The following PCDH15 variants were observed in gnomAD, a reference collection of about 807,000 sequenced individuals.
The protein encoded by PCDH15 is protocadherin related 15, also known as protocadherin-15.
In PCDH15, 129 loss-of-function variants were observed where a neutral mutation model predicts 178.5. That is an observed-to-expected ratio of 0.72 (90% CI 0.63 to 0.84). PCDH15 has a LOEUF of 0.84. Among genes scored for constraint, PCDH15 ranks in the 40% least tolerant of loss-of-function variants. The pLI, the probability that PCDH15 is intolerant of heterozygous loss-of-function variation, is 0.00. For synonymous variants in PCDH15, 800 were observed against 732.0 expected, an observed-to-expected ratio of 1.09 and a Z score of -1.50; for missense variants, 2,230 against 2,099.9, an observed-to-expected ratio of 1.06 and a Z score of -1.21.
At chr10:55,436,074 T>A (rs1273876513) in intron 2 of PCDH15, among the ~76,000 whole-genome samples, 1 of 152,122 alleles carries the variant, frequency 6.6e-6, no homozygotes, top group Admixed American at 6.5e-5. Context: ...TAGTAGTATC[T>A]GATCTCTTTA....
intron 11 of PCDH15, among the ~76,000 whole-genome samples, chr10:54,188,149 G>A (rs2048645841): frequency 6.6e-6 from 1 of 151,856 alleles, no homozygotes; most frequent in South Asian, 2.1e-4. Flanking sequence ...TGCATTTGAA[G>A]TCAAATATCC....
intron 2 of PCDH15, among the ~76,000 whole-genome samples, chr10:55,564,889 C>A (rs1842270159): frequency 6.6e-6 from 1 of 151,424 alleles, no homozygotes; most frequent in Non-Finnish European, 1.5e-5. Flanking sequence ...ATAAATAGTT[C>A]TACAATAATA....
intron 5 of PCDH15, among the ~76,000 whole-genome samples, chr10:54,360,332 C>T (rs1420218049): frequency 6.6e-6 from 1 of 152,086 alleles, no homozygotes; most frequent in Non-Finnish European, 1.5e-5. Flanking sequence ...CAATTTTAGT[C>T]AGCCAAAGAA....
intron 3 of PCDH15, among the ~76,000 whole-genome samples, chr10:54,492,009 G>A (rs2079641590): frequency 6.6e-6 from 1 of 152,102 alleles, no homozygotes; most frequent in Non-Finnish European, 1.5e-5. Flanking sequence ...AAAGTAATAT[G>A]TCATTTGTTA....
chr10:55,367,027 C>A (rs1157378521), intron 2 of PCDH15, among the ~76,000 whole-genome samples: 2 of 151,766 alleles, frequency 1.3e-5, no homozygotes, highest in Admixed American at 1.3e-4. Flanking sequence ...TGTCCTTTCA[C>A]CCCTCCATTC....
In PCDH15 at chr10:55,196,894, C is replaced by T. The variant is rs376882551; in HGVS notation, c.-155-30243G>A. ...GCTACTCTAACTTTTTAAACATTTA[C>T]AAAAAAATACTGTGCCATGGTTATA... On this transcript the variant is annotated intron_variant, in intron 1 of 5. Coordinates refer to the PCDH15 transcript ENST00000458638. Among the ~76,000 whole-genome samples the T allele has an allele frequency of 2.6e-5, 4 of 151,836 alleles. 1 individual carries two copies. The highest frequency in any genetic ancestry group is 1.9e-4 in the East Asian group (1 of 5,168).
chr10:55,415,206 C>A (rs1327564246), intron 2 of PCDH15, among the ~76,000 whole-genome samples: 1 of 151,512 alleles, frequency 6.6e-6, no homozygotes, highest in Non-Finnish European at 1.5e-5. Context: ...TGGTGTATTA[C>A]ATTAATTTAT....
chr10:55,414,273 T>C (rs1382438464), intron 2 of PCDH15, among the ~76,000 whole-genome samples: 1 of 151,554 alleles, frequency 6.6e-6, no homozygotes, highest in Non-Finnish European at 1.5e-5. Flanking sequence ...AATACCACTA[T>C]AGTATTAGGT....
intron 2 of PCDH15, among the ~76,000 whole-genome samples, chr10:54,987,336 G>A (rs1839397207): frequency 6.6e-6 from 1 of 152,146 alleles, no homozygotes; most frequent in Non-Finnish European, 1.5e-5. Flanking sequence ...ATGTGTCCAT[G>A]TATCTTTATG....
chr10:54,459,611 A>G (rs528556188), intron 3 of PCDH15, among the ~76,000 whole-genome samples: 2 of 152,242 alleles, frequency 1.3e-5, no homozygotes, highest in East Asian at 1.9e-4. Flanking sequence ...TTTTATGAGG[A>G]TATTAGAAAA....
intron 1 of PCDH15, among the ~76,000 whole-genome samples, chr10:55,282,179 T>C (rs1025419329): frequency 2.1e-4 from 32 of 152,230 alleles, no homozygotes; most frequent in African/African-American, 7.7e-4. Context: ...TGTAAGACTC[T>C]GTACCTCACT....
At chr10:54,058,678 ATTTCTTTC>A (rs906282782) in intron 18 of PCDH15, among the ~76,000 whole-genome samples, 5 of 150,078 alleles carry the variant, frequency 3.3e-5, no homozygotes, top group African/African-American at 9.8e-5. Flanking sequence ...ATTAGAACAT[ATTTCTTTC>A]TTTCTTTCTT....
At chr10:54,365,837 C>T (rs1048482192) in intron 5 of PCDH15, among the ~76,000 whole-genome samples, 5 of 151,964 alleles carry the variant, frequency 3.3e-5, no homozygotes, top group Non-Finnish European at 1.5e-5. Context: ...TGTTATAACC[C>T]GTGTTCAACA....
intron 1 of PCDH15, among the ~76,000 whole-genome samples, chr10:54,793,859 A>G (rs937265981): frequency 4.0e-5 from 6 of 149,270 alleles, no homozygotes; most frequent in Admixed American, 6.7e-5. Flanking sequence ...AAAAGATAAC[A>G]TCATAATCAT....
In PCDH15 at chr10:55,270,287, G is replaced by T. The variant is rs182871516; in HGVS notation, c.-156+49312C>A. ...GAACAAAAACAAAACAATTGACAAT[G>T]AGACCTAATTAAACTAAAGAGTGTC... On this transcript the variant is annotated intron_variant, in intron 1 of 5. Coordinates refer to the PCDH15 transcript ENST00000458638. 6.3e-4 allele frequency among the ~76,000 whole-genome samples: 96 copies of T among 152,206 alleles called. 2 individuals carry two copies. The highest frequency in any genetic ancestry group is 5.1e-3 in the Admixed American group (78 of 15,274).
In PCDH15 at chr10:53,811,548, C is replaced by A. The variant is rs1278657049; in HGVS notation, c.4562+1G>T. 6.5e-7 allele frequency: 1 copy of A among 1,528,470 alleles called. No homozygotes were observed. The highest frequency in any genetic ancestry group is 1.3e-5 in the South Asian group (1 of 75,260). 94.7% of individuals were successfully genotyped at this position (1,528,470 alleles called of 1,614,324 possible). A position where few individuals can be genotyped will look rare whatever the true frequency, so the allele number is the denominator to read the frequency against. On this transcript the variant is annotated splice_donor_variant, in intron 36 of 37. Coordinates refer to ENST00000644397, the MANE Select transcript of PCDH15 (RefSeq NM_001384140.1). LOFTEE classifies it high-confidence loss of function. ...TGAATTTTAAAAATCTGAAGATGTA[C>A]CCATGCTCATAACTGTAATAATCTT...
chr10:55,136,886 C>G (rs559656482), intron 2 of PCDH15, among the ~76,000 whole-genome samples: 1 of 152,076 alleles, frequency 6.6e-6, no homozygotes, highest in Non-Finnish European at 1.5e-5. Flanking sequence ...CAGATACGGA[C>G]TTTTCCTCCT....
At chr10:55,245,698 A>T (rs932200273) in intron 1 of PCDH15, among the ~76,000 whole-genome samples, 23 of 152,210 alleles carry the variant, frequency 1.5e-4, no homozygotes, top group Non-Finnish European at 2.5e-4. Context: ...CCAAAATCCC[A>T]GAATATGTAT....
intron 2 of PCDH15, among the ~76,000 whole-genome samples, chr10:55,399,378 T>G (rs1838008410): frequency 6.6e-6 from 1 of 152,136 alleles, no homozygotes; most frequent in Admixed American, 6.6e-5. Flanking sequence ...CTATAAAAGC[T>G]CAGAAGACCA....
Sources: allele counts gnomAD v4.1 joint callset (sites outside exome capture counted in the v4.1 genomes callset), GRCh38; gene constraint gnomAD v4.1.1; transcripts MANE v1.5; gene names NCBI Gene and HGNC (gene_info 2026-07-23, HGNC 2026-07-21).